Variants in HS2ST1 observed in about 807,000 individuals in gnomAD.
The protein encoded by HS2ST1 is heparan sulfate 2-O-sulfotransferase 1.
A neutral mutation model predicts 42.9 loss-of-function variants in HS2ST1; 18 were observed. That is an observed-to-expected ratio of 0.42 (90% CI 0.29 to 0.62). The LOEUF is 0.62. HS2ST1 is among the 20% of genes least tolerant of loss of function. HS2ST1 has a pLI of 0.21. For synonymous variants in HS2ST1, 146 were observed against 152.9 expected (o/e 0.95, Z 0.33); for missense variants, 334 against 433.8 (o/e 0.77, Z 2.04).
intron 1 of HS2ST1, among the ~76,000 whole-genome samples, chr1:86,991,501 A>G (rs1409825487): frequency 6.6e-6 from 1 of 152,220 alleles, no homozygotes; most frequent in Non-Finnish European, 1.5e-5. Context: ...AATTGGTACA[A>G]TAGTAGGTTA....
chr1:86,951,391 T>C (rs1457980132), intron 1 of HS2ST1, among the ~76,000 whole-genome samples: 1 of 152,152 alleles, frequency 6.6e-6, no homozygotes, highest in Non-Finnish European at 1.5e-5. Context: ...ATAAGGCAAA[T>C]AGTGCAATAA....
intron 5 of HS2ST1, among the ~76,000 whole-genome samples, chr1:87,099,526 C>T (rs1418584675): frequency 6.6e-6 from 1 of 152,194 alleles, no homozygotes; most frequent in Non-Finnish European, 1.5e-5. Flanking sequence ...CCAATCACCT[C>T]CCACCAGGCC....
intron 1 of HS2ST1, among the ~76,000 whole-genome samples, chr1:86,950,677 C>G (rs1647487586): frequency 6.6e-6 from 1 of 151,802 alleles, no homozygotes. Context: ...AATTGTTAAC[C>G]AAAGAAAAAT....
At position 87,106,302 on chromosome 1, in the gene HS2ST1, C is replaced by T. The variant is rs1449746368; in HGVS notation, c.*1606C>T. 1 of 152,456 alleles carries T rather than the reference C, an allele frequency of 6.6e-6. No homozygotes were observed. Among genetic ancestry groups the T allele is most frequent in the East Asian group, 1.9e-4 (1 of 5,194 alleles). 9.4% of individuals were successfully genotyped at this position (152,456 alleles called of 1,614,324 possible). A position where few individuals can be genotyped will look rare whatever the true frequency, so the allele number is the denominator to read the frequency against. On this transcript the variant is annotated 3_prime_UTR_variant, in exon 7 of 7. Transcript: ENST00000370550. ...CTGTGAACTCTTAAAGCTTCATGAGCAGCTGCTTGAGTTCAGGAAGTTCAC... is the reference window on the plus strand; with the variant it reads ...CTGTGAACTCTTAAAGCTTCATGAGTAGCTGCTTGAGTTCAGGAAGTTCAC...
At chr1:87,090,490 A>T (rs1181611641) in intron 3 of HS2ST1, among the ~76,000 whole-genome samples, 1 of 152,040 alleles carries the variant, frequency 6.6e-6, no homozygotes, top group African/African-American at 2.4e-5. Flanking sequence ...AGGATAAGCT[A>T]AGAGTTAAGT....
chr1:87,086,024 C>A (rs1311076996), intron 3 of HS2ST1, among the ~76,000 whole-genome samples: 1 of 152,074 alleles, frequency 6.6e-6, no homozygotes, highest in African/African-American at 2.4e-5. Flanking sequence ...AATACCTAAA[C>A]AAAATCAGCC....
intron 1 of HS2ST1, among the ~76,000 whole-genome samples, chr1:86,994,549 A>G (rs115061808): frequency 2.6e-4 from 39 of 152,242 alleles, no homozygotes; most frequent in Non-Finnish European, 5.0e-4. Context: ...AGAGGTTACT[A>G]TCCTTTTTTT....
intron 1 of HS2ST1, among the ~76,000 whole-genome samples, chr1:86,972,885 G>C (rs1041622817): frequency 2.0e-5 from 3 of 152,180 alleles, no homozygotes; most frequent in Non-Finnish European, 4.4e-5. Flanking sequence ...TTATTCTGCA[G>C]TCTATAATAG....
At chr1:87,071,391 T>G (rs1651399901) in intron 1 of HS2ST1, among the ~76,000 whole-genome samples, 1 of 152,188 alleles carries the variant, frequency 6.6e-6, no homozygotes, top group Non-Finnish European at 1.5e-5. Flanking sequence ...ACTGCAATTA[T>G]GATAAATATA....
chr1:87,097,816 T>C, intron 4 of HS2ST1, 22 bp from the exon 5 acceptor site: 1 of 1,613,658 alleles, frequency 6.2e-7, no homozygotes, highest in South Asian at 1.1e-5. Context: ...GGCTTACCCG[T>C]GCTGCTTTGT....
At chr1:87,065,933 G>C (rs1162888641) in intron 1 of HS2ST1, among the ~76,000 whole-genome samples, 1 of 151,980 alleles carries the variant, frequency 6.6e-6, no homozygotes, top group Non-Finnish European at 1.5e-5. Flanking sequence ...CAGTATTTGA[G>C]GGCAAGACAA....
intron 1 of HS2ST1, among the ~76,000 whole-genome samples, chr1:87,013,341 C>A (rs1056609947): frequency 6.6e-6 from 1 of 152,262 alleles, no homozygotes; most frequent in Non-Finnish European, 1.5e-5. Flanking sequence ...GGCCCAACAT[C>A]ACTTGTAAGC....
chr1:87,039,630 TATATC>T (rs1294326721), intron 1 of HS2ST1, among the ~76,000 whole-genome samples: 1 of 152,226 alleles, frequency 6.6e-6, no homozygotes, highest in Non-Finnish European at 1.5e-5. Flanking sequence ...CATTTATCCT[TATATC>T]AGTTCAGTAA....
intron 1 of HS2ST1, among the ~76,000 whole-genome samples, chr1:87,036,171 A>G (rs1249004392): frequency 1.3e-5 from 2 of 152,138 alleles, no homozygotes; most frequent in African/African-American, 4.8e-5. Context: ...CATGGTGTAT[A>G]TGTGCCACAG....
intron 1 of HS2ST1, among the ~76,000 whole-genome samples, chr1:87,008,354 C>G (rs1334292655): frequency 1.3e-5 from 2 of 152,110 alleles, no homozygotes; most frequent in Non-Finnish European, 2.9e-5. Context: ...GTTAATGACT[C>G]ATATTTAGAG....
chr1:86,979,135 C>T lies in HS2ST1; in HGVS notation c.124+63975C>T, dbSNP rs148002306. ...CCCCCTAAAATGCTAGGATTATAGG[C>T]GTGAGCCACTGCCGCTGGCTGTGAA... On this transcript the variant is annotated intron_variant, in intron 1 of 6. Transcript: ENST00000370550. 6.2e-3 allele frequency among the ~76,000 whole-genome samples: 942 copies of T among 152,172 alleles called. 4 individuals are homozygous for T. Among genetic ancestry groups the T allele is most frequent in the Non-Finnish European group, 1.0e-2 (677 of 67,992 alleles).
At chr1:86,921,036 CAT>C (rs1213336935) in intron 1 of HS2ST1, among the ~76,000 whole-genome samples, 3 of 151,992 alleles carry the variant, frequency 2.0e-5, no homozygotes, top group Non-Finnish European at 2.9e-5. Context: ...ATGATATATA[CAT>C]GTTTTAAAAC....
intron 1 of HS2ST1, among the ~76,000 whole-genome samples, chr1:87,069,477 A>C (rs1651347036): frequency 6.6e-6 from 1 of 152,248 alleles, no homozygotes; most frequent in African/African-American, 2.4e-5. Context: ...GTAAATAAAG[A>C]AAATGACCAT....
intron 1 of HS2ST1, among the ~76,000 whole-genome samples, chr1:87,031,495 C>T (rs1181871308): frequency 1.3e-5 from 2 of 152,150 alleles, no homozygotes; most frequent in Admixed American, 6.6e-5. Flanking sequence ...CTGTTTATTG[C>T]CAGTCCTCAA....
Sources: gnomAD v4.1 joint callset for allele counts (sites outside exome capture counted in the v4.1 genomes callset) on GRCh38, gnomAD v4.1.1 for gene constraint, MANE v1.5 for transcripts, NCBI Gene and HGNC (gene_info 2026-07-23, HGNC 2026-07-21) for gene names.